The following ZNF346 variants were observed in gnomAD, a reference collection of about 807,000 sequenced individuals.
ZNF346 encodes double-stranded RNA-binding zinc finger protein JAZ.
In ZNF346, 23 loss-of-function variants were observed where a neutral mutation model predicts 33.7. That is an observed-to-expected ratio of 0.68 (90% CI 0.49 to 0.97). ZNF346 has a LOEUF of 0.97. Ranked by LOEUF, ZNF346 falls within the 50% of genes least tolerant of loss-of-function variation. The probability of loss-of-function intolerance (pLI) is 0.00; values close to 1 mark genes in which losing one functional copy is unlikely to be tolerated. For synonymous variants in ZNF346, 134 were observed against 142.4 expected (o/e 0.94, Z 0.42); for missense variants, 340 against 371.1 (o/e 0.92, Z 0.69).
intron 8 of ZNF346, among the ~76,000 whole-genome samples, chr5:177,073,542 G>A (rs2149719314): frequency 6.6e-6 from 1 of 152,196 alleles, no homozygotes; most frequent in East Asian, 1.9e-4. Flanking sequence ...GAGCTCAAAC[G>A]ATCCTCCCAC....
intron 5 of ZNF346, among the ~76,000 whole-genome samples, chr5:177,053,549 G>A (rs1047708641): frequency 2.0e-5 from 3 of 151,926 alleles, no homozygotes; most frequent in African/African-American, 7.3e-5. Flanking sequence ...AAGTTGACTG[G>A]ACCATTTCTA....
At chr5:177,030,497 T>C (rs991049474) in intron 1 of ZNF346, among the ~76,000 whole-genome samples, 3 of 151,868 alleles carry the variant, frequency 2.0e-5, no homozygotes, top group Admixed American at 2.0e-4. Flanking sequence ...TGCCGTGCCA[T>C]GGGGTTTCAC....
chr5:177,034,476 C>T (rs950977846), intron 1 of ZNF346, among the ~76,000 whole-genome samples: 1 of 152,146 alleles, frequency 6.6e-6, no homozygotes, highest in Non-Finnish European at 1.5e-5. Context: ...GTCCTTCCAC[C>T]TCAGCCTCCC....
intron 4 of ZNF346, among the ~76,000 whole-genome samples, chr5:177,049,309 G>C (rs1309970768): frequency 6.6e-6 from 1 of 152,188 alleles, no homozygotes; most frequent in Admixed American, 6.5e-5. Context: ...AGTGATACAG[G>C]TATGGAAGAG....
chr5:177,063,160 A>G (rs1194919827), intron 6 of ZNF346, among the ~76,000 whole-genome samples: 2 of 151,900 alleles, frequency 1.3e-5, no homozygotes, highest in East Asian at 3.9e-4. Flanking sequence ...TCGGCCTCCC[A>G]AAGTGCTGGG....
intron 4 of ZNF346, among the ~76,000 whole-genome samples, chr5:177,047,191 G>C (rs1187464531): frequency 6.6e-6 from 1 of 151,932 alleles, no homozygotes; most frequent in Non-Finnish European, 1.5e-5. Flanking sequence ...TGGGACTACA[G>C]GCGCGTGCCA....
rs193077000 is a variant in ZNF346, at chr5:177,030,574, T to G, written c.175+7661T>G. The stretch of plus-strand genomic sequence containing the variant: ...CGCCCGCCTCAGCCTCCCAAAGTGC[T>G]GGGATTATAGGCGTGAGCCACCATG... On this transcript the variant is annotated intron_variant, in intron 1 of 6. Transcript: ENST00000358149. 2.2e-4 allele frequency among the ~76,000 whole-genome samples: 34 copies of G among 152,104 alleles called. 1 individual carries two copies. Among genetic ancestry groups the G allele is most frequent in the Admixed American group, 2.1e-3 (32 of 15,288 alleles).
At chr5:177,049,486 G>T (rs559247547) in intron 4 of ZNF346, among the ~76,000 whole-genome samples, 1 of 152,334 alleles carries the variant, frequency 6.6e-6, no homozygotes, top group African/African-American at 2.4e-5. Context: ...AGGCAGCAGC[G>T]CAGCCTAGAG....
chr5:177,074,688 C>G (rs1382846032), intron 8 of ZNF346, among the ~76,000 whole-genome samples: 27 of 152,146 alleles, frequency 1.8e-4, no homozygotes, highest in Admixed American at 1.8e-3. Context: ...CTGTGTCTTG[C>G]AACTGAATGA....
At chr5:177,038,078 T>G (rs1778764986) in intron 1 of ZNF346, among the ~76,000 whole-genome samples, 1 of 141,988 alleles carries the variant, frequency 7.0e-6, no homozygotes, top group South Asian at 2.3e-4. Context: ...TTCCCCATGA[T>G]GATTTTTTTT....
intron 1 of ZNF346, among the ~76,000 whole-genome samples, chr5:177,036,574 A>G (rs1778545996): frequency 6.6e-6 from 1 of 152,100 alleles, no homozygotes; most frequent in Non-Finnish European, 1.5e-5. Context: ...GGCCATGAGT[A>G]TGTGGCTAAC....
chr5:177,063,403 G>C (rs888413601), intron 6 of ZNF346, among the ~76,000 whole-genome samples: 1 of 152,172 alleles, frequency 6.6e-6, no homozygotes, highest in Non-Finnish European at 1.5e-5. Flanking sequence ...TCTGCCTGGA[G>C]TCTCCTCTCT....
chr5:177,053,317 C>CAA (rs754883910), intron 5 of ZNF346, among the ~76,000 whole-genome samples: 4,609 of 86,778 alleles, frequency 0.053, 443 homozygotes, highest in African/African-American at 0.17. Flanking sequence ...GACTTCATCT[C>CAA]AAAAAAAAAA....
rs921272113 is a variant in ZNF346 at position 177,023,091 on chromosome 5, G to T, written c.175+178G>T. 5 of 1,447,566 alleles carry T rather than the reference G, an allele frequency of 3.5e-6. No individual in the cohort carries two copies. In the African/African-American group the frequency reaches 5.6e-5, roughly 16 times the overall value. The allele number at this position is 1,447,566 out of a possible 1,614,324, so 89.7% of individuals were successfully genotyped here. A position where few individuals can be genotyped will look rare whatever the true frequency, so the allele number is the denominator to read the frequency against. On this transcript the variant is annotated intron_variant, in intron 1 of 6. Transcript: ENST00000358149. ...ACCCCAAGAATCGGGCCCCCAGCGC[G>T]CTGAGGGTGAAGGGCCGCTCACGCT... is the stretch of plus-strand genomic sequence containing the variant.
chr5:177,050,918 G>T lies in ZNF346; in HGVS notation c.685G>T (p.Ala229Ser). ...MARYGRLADP[A>S]VTDFPAGKGY... ...ACGCTATGGGCGGCTGGCGGACCCT[G>T]CTGTCACTGACTTTCCAGGTGAGGG... Residue 229 changes from alanine (A) to serine (S), a missense_variant, in exon 5 of 7, where the codon GCT becomes TCT. Physicochemically the swap from Ala to Ser is moderately conservative, Grantham distance 99. Coordinates refer to ENST00000358149, the MANE Select transcript of ZNF346 (RefSeq NM_012279.4). The T allele has an allele frequency of 6.2e-7, 1 of 1,614,134 alleles. No individual in the cohort carries two copies. Among genetic ancestry groups the T allele is most frequent in the South Asian group, 1.1e-5 (1 of 91,082 alleles).
chr5:177,075,244 C>CA (rs1045524732), intron 8 of ZNF346, among the ~76,000 whole-genome samples: 18 of 134,074 alleles, frequency 1.3e-4, no homozygotes, highest in South Asian at 1.2e-3. Flanking sequence ...ATTAAAAATA[C>CA]AAAAAAAAAC....
chr5:177,054,073 GA>G (rs1156492695), intron 5 of ZNF346, among the ~76,000 whole-genome samples: 1 of 131,830 alleles, frequency 7.6e-6, no homozygotes, highest in Non-Finnish European at 1.6e-5. Flanking sequence ...TTTACTTCTG[GA>G]ATTTTTTTTT....
chr5:177,050,624 C>A, intron 4 of ZNF346, 127 bp from the exon 5 acceptor site: 1 of 951,344 alleles, frequency 1.1e-6, no homozygotes, highest in South Asian at 1.4e-5. Flanking sequence ...GGTGTCACAG[C>A]CCTTTCTATT....
chr5:177,035,807 T>C (rs1778420536), intron 1 of ZNF346, among the ~76,000 whole-genome samples: 1 of 151,964 alleles, frequency 6.6e-6, no homozygotes, highest in Non-Finnish European at 1.5e-5. Context: ...GGGGCTAAAC[T>C]TTTTTGTATT....
Sources: allele counts gnomAD v4.1 joint callset (sites outside exome capture counted in the v4.1 genomes callset), GRCh38; gene constraint gnomAD v4.1.1; transcripts MANE v1.5; gene names NCBI Gene and HGNC (gene_info 2026-07-23, HGNC 2026-07-21).